PANX1: variants seen among roughly 807,000 people sequenced by gnomAD.
PANX1 encodes the protein pannexin 1.
In PANX1, 30 loss-of-function variants were observed where a neutral mutation model predicts 38.7. The observed-to-expected ratio is 0.78, with a 90% CI of 0.58 to 1.05. The LOEUF (loss-of-function observed/expected upper bound fraction) is 1.05. PANX1 is among the 50% of genes least tolerant of loss of function. The probability of loss-of-function intolerance (pLI) is 0.00; values close to 1 mark genes in which losing one functional copy is unlikely to be tolerated. For synonymous variants in PANX1, 230 were observed against 212.2 expected (o/e 1.08, Z -0.73); for missense variants, 551 against 517.2 (o/e 1.07, Z -0.63).
intron 1 of PANX1, among the ~76,000 whole-genome samples, chr11:94,144,536 C>T (rs879885194): frequency 1.3e-5 from 2 of 152,292 alleles, no homozygotes; most frequent in East Asian, 3.9e-4. Flanking sequence ...TCTCACACTC[C>T]AGCCATTGAC....
At position 94,144,340 on chromosome 11, in the gene PANX1, G is replaced by C. The variant is rs188318742; in HGVS notation, c.182-9151G>C. ...GGTTGCTGCAAGGATTCACTTCCCA[G>C]CTCTCACATGTCACATTCCTGTTGT... On this transcript the variant is annotated intron_variant, in intron 1 of 4. Transcript: ENST00000227638. Among the ~76,000 whole-genome samples, 7 of 152,126 alleles carry C rather than the reference G, an allele frequency of 4.6e-5. No individual in the cohort carries two copies. The East Asian group carries it at 1.4e-3, about 30-fold the overall frequency.
chr11:94,163,128 C>T (rs745339523), intron 2 of PANX1, among the ~76,000 whole-genome samples: 6 of 152,192 alleles, frequency 3.9e-5, no homozygotes, highest in South Asian at 2.1e-4. Context: ...GGATTACAGG[C>T]GTGAGCCACC....
At position 94,157,876 on chromosome 11, in the gene PANX1, T is replaced by C. The variant is rs1228558743; in HGVS notation, c.321+4246T>C. On this transcript the variant is annotated intron_variant, in intron 2 of 4. Transcript: ENST00000227638. ...CTTCTAGGGTTTTTATGGTTTTAGGTCTAAGATTTAAGTCTTTAATCCATC... is the reference window on the plus strand; with the variant it reads ...CTTCTAGGGTTTTTATGGTTTTAGGCCTAAGATTTAAGTCTTTAATCCATC... 3.9e-5 allele frequency among the ~76,000 whole-genome samples: 6 copies of C among 152,304 alleles called. No individual in the cohort carries two copies. In the East Asian group the frequency reaches 1.2e-3, roughly 29 times the overall value.
intron 1 of PANX1, among the ~76,000 whole-genome samples, chr11:94,149,828 AT>A (rs1202940970): frequency 6.6e-6 from 1 of 152,164 alleles, no homozygotes; most frequent in Non-Finnish European, 1.5e-5. Flanking sequence ...TTTAACATTA[AT>A]TGAGATAGTA....
intron 1 of PANX1, among the ~76,000 whole-genome samples, chr11:94,135,421 A>T (rs1591503709): frequency 6.6e-6 from 1 of 152,300 alleles, no homozygotes. Flanking sequence ...GGCTTAAGTT[A>T]TCTGCTCTGT....
intron 2 of PANX1, among the ~76,000 whole-genome samples, chr11:94,175,070 C>G (rs537022509): frequency 1.3e-5 from 2 of 151,838 alleles, no homozygotes; most frequent in East Asian, 3.9e-4. Context: ...CTGAGCATCC[C>G]AGGCCTAATG....
chr11:94,133,928 TC>T (rs942586518), intron 1 of PANX1, among the ~76,000 whole-genome samples: 1 of 152,234 alleles, frequency 6.6e-6, no homozygotes, highest in African/African-American at 2.4e-5. Flanking sequence ...TGGATAAGGG[TC>T]CCAGTTGCTT....
chr11:94,180,561 T>C (rs1260031640), intron 4 of PANX1, among the ~76,000 whole-genome samples: 1 of 152,206 alleles, frequency 6.6e-6, no homozygotes, highest in Non-Finnish European at 1.5e-5. Context: ...CTTTCTTGCT[T>C]ATTTTTGTCT....
chr11:94,160,135 G>T (rs542178105), intron 2 of PANX1, among the ~76,000 whole-genome samples: 3 of 150,086 alleles, frequency 2.0e-5, no homozygotes, highest in Admixed American at 2.0e-4. Context: ...GCTGAGGAGT[G>T]CTTTACTTCA....
chr11:94,129,495 T>C lies in PANX1; in HGVS notation c.181+2T>C, dbSNP rs574756479. The C allele has an allele frequency of 1.9e-6, 3 of 1,606,418 alleles. No homozygotes were observed. The highest frequency in any genetic ancestry group is 1.1e-5 in the South Asian group (1 of 90,232). ...CCTTCGCGCAGGAGATCTCGATTGG[T>C]AAGCCTCGCCCAGGACGGAGGGGAG... On this transcript the variant is annotated splice_donor_variant, in intron 1 of 4. Transcript: ENST00000227638. LOFTEE classifies it high-confidence loss of function.
At chr11:94,140,317 C>T (rs1046836263) in intron 1 of PANX1, among the ~76,000 whole-genome samples, 8 of 152,180 alleles carry the variant, frequency 5.3e-5, no homozygotes, top group South Asian at 2.1e-4. Flanking sequence ...CTATATATGT[C>T]GAAGTTCAGA....
rs1315949211 is a variant in PANX1, at chr11:94,129,001, G to A, written c.-312G>A. ...TGGTTCCCGCGCCTGGGGGTGCGCGGGAGAGGCGCGAATCCGAGTGCCGCG... is the reference window on the plus strand; with the variant it reads ...TGGTTCCCGCGCCTGGGGGTGCGCGAGAGAGGCGCGAATCCGAGTGCCGCG... On this transcript the variant is annotated 5_prime_UTR_variant, in exon 1 of 5. Transcript: ENST00000227638. 1 of 225,588 alleles carries A rather than the reference G, an allele frequency of 4.4e-6. No homozygotes were observed. The highest frequency in any genetic ancestry group is 8.6e-6 in the Non-Finnish European group (1 of 116,406). 14.0% of individuals were successfully genotyped at this position (225,588 alleles called of 1,614,324 possible).
intron 2 of PANX1, among the ~76,000 whole-genome samples, chr11:94,164,828 A>G (rs1439197293): frequency 1.3e-5 from 2 of 152,194 alleles, no homozygotes; most frequent in Non-Finnish European, 2.9e-5. Context: ...AGCTCTAATA[A>G]TATTTTCTTT....
intron 2 of PANX1, among the ~76,000 whole-genome samples, chr11:94,157,089 G>C (rs1946959014): frequency 6.6e-6 from 1 of 152,008 alleles, no homozygotes; most frequent in African/African-American, 2.4e-5. Context: ...AGTATTCCAT[G>C]GTGTATATGT....
At chr11:94,152,166 A>G (rs1359035937) in intron 1 of PANX1, among the ~76,000 whole-genome samples, 2 of 152,220 alleles carry the variant, frequency 1.3e-5, no homozygotes. Flanking sequence ...CTTTAAGGCA[A>G]TATGAGAATC....
chr11:94,156,961 G>C (rs531171666), intron 2 of PANX1, among the ~76,000 whole-genome samples: 1 of 151,730 alleles, frequency 6.6e-6, no homozygotes, highest in Admixed American at 6.6e-5. Context: ...CCAACTATGA[G>C]CAAGAACATG....
intron 1 of PANX1, 41 bp downstream of exon 1, chr11:94,129,534 CTGGCCCGGTG>C (rs1565370031): frequency 6.4e-7 from 1 of 1,554,978 alleles, no homozygotes; most frequent in East Asian, 2.3e-5. Context: ...CCGCCCCGGT[CTGGCCCGGTG>C]AGCTGCGATT....
intron 1 of PANX1, among the ~76,000 whole-genome samples, chr11:94,144,640 T>C (rs1267905172): frequency 6.6e-6 from 1 of 152,160 alleles, no homozygotes; most frequent in Non-Finnish European, 1.5e-5. Flanking sequence ...GCTGGCCCTT[T>C]CTTGCTGCTG....
intron 1 of PANX1, among the ~76,000 whole-genome samples, chr11:94,149,724 C>A (rs915297259): frequency 6.6e-6 from 1 of 152,180 alleles, no homozygotes; most frequent in African/African-American, 2.4e-5. Flanking sequence ...TAAGCTGACA[C>A]ACAGTGGAGC....
Sources: gnomAD v4.1 joint callset for allele counts (sites outside exome capture counted in the v4.1 genomes callset) on GRCh38, gnomAD v4.1.1 for gene constraint, MANE v1.5 for transcripts, NCBI Gene and HGNC (gene_info 2026-07-23, HGNC 2026-07-21) for gene names.